Variants in PLCXD3 observed in about 807,000 individuals in gnomAD.
PLCXD3 encodes the protein PI-PLC X domain-containing protein 3.
In PLCXD3, 19 loss-of-function variants were observed where a neutral mutation model predicts 25.5. The observed-to-expected ratio is 0.75, with a 90% confidence interval of 0.52 to 1.09. PLCXD3 has a LOEUF of 1.09. PLCXD3 is among the 50% of genes least tolerant of loss of function. PLCXD3 has a pLI of 0.00. For missense variants in PLCXD3, 411 were observed against 388.1 expected (o/e 1.06, Z -0.50); for synonymous variants, 174 against 137.6 (o/e 1.26, Z -1.85).
At chr5:41,494,985 C>G (rs546141057) in intron 1 of PLCXD3, among the ~76,000 whole-genome samples, 1 of 152,314 alleles carries the variant, frequency 6.6e-6, no homozygotes, top group African/African-American at 2.4e-5. Context: ...GAATAGGATG[C>G]TCCAGACTCT....
rs1269187840 is a variant in PLCXD3 at position 41,307,758 on chromosome 5, T to C, written c.*5859A>G. The C allele has an allele frequency of 6.6e-6, 1 of 152,132 alleles. No individual in the cohort carries two copies. The highest frequency in any genetic ancestry group is 1.5e-5 in the Non-Finnish European group (1 of 68,024). 9.4% of individuals were successfully genotyped at this position (152,132 alleles called of 1,614,324 possible). On this transcript the variant is annotated 3_prime_UTR_variant, in exon 3 of 3. Transcript: ENST00000377801. ...GTTTTAACCTGATAAAAATAATTTG[T>C]GGTAAGATGTGAATGGGGGAAATAA...
At chr5:41,374,126 T>A (rs1745208535) in intron 2 of PLCXD3, among the ~76,000 whole-genome samples, 1 of 152,114 alleles carries the variant, frequency 6.6e-6, no homozygotes. Context: ...TTAGGTTAAC[T>A]AAAACCAGGT....
chr5:41,379,755 G>T (rs1286443847), intron 2 of PLCXD3, among the ~76,000 whole-genome samples: 1 of 152,028 alleles, frequency 6.6e-6, no homozygotes, highest in Non-Finnish European at 1.5e-5. Flanking sequence ...AAACATTGTG[G>T]AAATGAACAT....
At chr5:41,454,296 G>A (rs1235475147) in intron 1 of PLCXD3, among the ~76,000 whole-genome samples, 1 of 151,938 alleles carries the variant, frequency 6.6e-6, no homozygotes, top group Non-Finnish European at 1.5e-5. Flanking sequence ...CCATAAACCA[G>A]GTAGCTTTTA....
At chr5:41,405,699 A>G (rs901732518) in intron 1 of PLCXD3, among the ~76,000 whole-genome samples, 3 of 152,200 alleles carry the variant, frequency 2.0e-5, no homozygotes, top group Middle Eastern at 3.2e-3. Flanking sequence ...TATGCTTCAA[A>G]AGTGAGAGAA....
At chr5:41,321,954 A>C (rs1406430678) in intron 2 of PLCXD3, among the ~76,000 whole-genome samples, 1 of 152,216 alleles carries the variant, frequency 6.6e-6, no homozygotes, top group Non-Finnish European at 1.5e-5. Context: ...ACTTAAACCT[A>C]AGACCTCAAA....
chr5:41,440,232 T>TG (rs1747352714), intron 1 of PLCXD3, among the ~76,000 whole-genome samples: 1 of 112,594 alleles, frequency 8.9e-6, no homozygotes, highest in African/African-American at 3.4e-5. Flanking sequence ...TTTTTTTTTT[T>TG]TTTTTTTTTT....
At chr5:41,340,019 T>C (rs538431833) in intron 2 of PLCXD3, among the ~76,000 whole-genome samples, 3 of 152,138 alleles carry the variant, frequency 2.0e-5, no homozygotes, top group South Asian at 4.1e-4. Context: ...TTCAGATAAA[T>C]GGCTCTCTGT....
intron 1 of PLCXD3, among the ~76,000 whole-genome samples, chr5:41,488,926 T>G (rs1456580255): frequency 7.9e-5 from 12 of 151,964 alleles, no homozygotes; most frequent in Admixed American, 2.0e-4. Flanking sequence ...AGAAGCTCTT[T>G]AGTTGAATTA....
At chr5:41,453,893 T>C (rs181556066) in intron 1 of PLCXD3, among the ~76,000 whole-genome samples, 19 of 152,116 alleles carry the variant, frequency 1.2e-4, no homozygotes, top group Non-Finnish European at 2.9e-5. Context: ...TGTGTCCTTT[T>C]TAGACTCTCC....
intron 2 of PLCXD3, among the ~76,000 whole-genome samples, chr5:41,366,568 A>C (rs749453074): frequency 3.3e-5 from 5 of 152,190 alleles, no homozygotes; most frequent in Non-Finnish European, 7.3e-5. Flanking sequence ...ACTTATTTTC[A>C]AACTATTTCA....
chr5:41,365,686 A>T (rs1744913636), intron 2 of PLCXD3, among the ~76,000 whole-genome samples: 1 of 152,154 alleles, frequency 6.6e-6, no homozygotes, highest in African/African-American at 2.4e-5. Context: ...ACTTCAAAGA[A>T]ATTAGGATTC....
chr5:41,416,721 G>T (rs978520492), intron 1 of PLCXD3, among the ~76,000 whole-genome samples: 20 of 152,216 alleles, frequency 1.3e-4, no homozygotes, highest in African/African-American at 4.3e-4. Context: ...AGTTACAGAT[G>T]TGGCAGGTTG....
chr5:41,482,325 G>T (rs1418237367), intron 1 of PLCXD3, among the ~76,000 whole-genome samples: 1 of 152,070 alleles, frequency 6.6e-6, no homozygotes, highest in Non-Finnish European at 1.5e-5. Context: ...TGGTGCTACC[G>T]ACCCTATCCA....
intron 1 of PLCXD3, chr5:41,475,784 G>A (rs932227399): frequency 5.7e-6 from 3 of 526,498 alleles, no homozygotes; most frequent in African/African-American, 1.9e-5. Context: ...AGTTACTGCT[G>A]TTACTACTTG....
rs1163676703 is a variant in PLCXD3 at position 41,310,357 on chromosome 5, G to T, written c.*3260C>A. On this transcript the variant is annotated 3_prime_UTR_variant, in exon 3 of 3. Coordinates refer to ENST00000377801, the MANE Select transcript of PLCXD3 (RefSeq NM_001005473.3). ...CCCACTCCTTTGATTTCCTGCTGTA[G>T]ATTGGGTAAAAGTTAGATTGTATTT... 1 of 152,124 alleles carries T rather than the reference G, an allele frequency of 6.6e-6. No homozygotes were observed. The highest frequency in any genetic ancestry group is 2.4e-5 in the African/African-American group (1 of 41,438). 9.4% of individuals were successfully genotyped at this position (152,124 alleles called of 1,614,324 possible).
chr5:41,403,409 T>TGTTTG (rs1554047969), intron 1 of PLCXD3, among the ~76,000 whole-genome samples: 5 of 39,710 alleles, frequency 1.3e-4, no homozygotes, highest in Non-Finnish European at 2.5e-4. Flanking sequence ...TTGTTTTTTT[T>TGTTTG]TTTTTTTATT....
Position 41,440,396 on chromosome 5 carries a change from C to T in PLCXD3, c.104-57862G>A, listed in dbSNP as rs370791195. On this transcript the variant is annotated intron_variant, in intron 1 of 2. Transcript: ENST00000377801. ...TACAGGTGCCTGCCTCCATGCCTGG[C>T]TAATTTTTGTATTTTTAGTAGAGAC... Among the ~76,000 whole-genome samples the T allele has an allele frequency of 2.4e-4, 37 of 151,600 alleles. No homozygotes were observed. The South Asian group carries it at 6.7e-3, about 28-fold the overall frequency.
At chr5:41,409,468 T>C (rs535808384) in intron 1 of PLCXD3, among the ~76,000 whole-genome samples, 1 of 152,328 alleles carries the variant, frequency 6.6e-6, no homozygotes, top group East Asian at 1.9e-4. Context: ...AAGTCTCAGT[T>C]TAAATGTCAT....
Sources: gnomAD v4.1 joint callset for allele counts (sites outside exome capture counted in the v4.1 genomes callset) on GRCh38, gnomAD v4.1.1 for gene constraint, MANE v1.5 for transcripts, NCBI Gene and HGNC (gene_info 2026-07-23, HGNC 2026-07-21) for gene names.